The following CD96 variants were observed in gnomAD, a reference collection of about 807,000 sequenced individuals.
The protein encoded by CD96 is CD96 molecule.
A neutral mutation model predicts 71.3 loss-of-function variants in CD96; 70 were observed. The ratio of observed to expected loss-of-function variants is 0.98; its 90% CI spans 0.81 to 1.20. CD96 has a LOEUF of 1.20. Ranked by LOEUF, CD96 falls within the 50% of genes most tolerant of loss-of-function variation. The pLI, the probability that CD96 is intolerant of heterozygous loss-of-function variation, is 0.00. For missense variants in CD96, 742 were observed against 677.5 expected, an observed-to-expected ratio of 1.10 and a Z score of -1.06; for synonymous variants, 248 against 233.0, an observed-to-expected ratio of 1.06 and a Z score of -0.59.
chr3:111,665,709 C>T (rs1940463999), exon 15 of CD96: 1 of 152,228 alleles, frequency 6.6e-6, no homozygotes. Flanking sequence ...TTCATTCCTC[C>T]CTCAAACCCT....
chr3:111,594,312 A>G, intron 5 of CD96: 2 of 1,347,404 alleles, frequency 1.5e-6, no homozygotes, highest in Non-Finnish European at 2.0e-6. Context: ...ACTCTTGGGG[A>G]TTCACAATAA....
intron 12 of CD96, among the ~76,000 whole-genome samples, chr3:111,644,268 T>C (rs1352364861): frequency 1.3e-5 from 2 of 152,122 alleles, no homozygotes; most frequent in Non-Finnish European, 2.9e-5. Flanking sequence ...TCTAGCCACA[T>C]GTAGGAGAAT....
At chr3:111,632,146 T>C (rs1362412232) in intron 10 of CD96, among the ~76,000 whole-genome samples, 1 of 152,200 alleles carries the variant, frequency 6.6e-6, no homozygotes, top group African/African-American at 2.4e-5. Context: ...AAGAAGCTTA[T>C]GCACAGCAAA....
intron 2 of CD96, among the ~76,000 whole-genome samples, chr3:111,546,128 T>C (rs1934384005): frequency 6.6e-6 from 1 of 152,074 alleles, no homozygotes; most frequent in Non-Finnish European, 1.5e-5. Flanking sequence ...CAGGTAGATA[T>C]AGAAGGAAAA....
chr3:111,567,484 CA>C (rs1269476844), intron 2 of CD96, 38 bp from the exon 3 acceptor site: 1 of 1,574,868 alleles, frequency 6.3e-7, no homozygotes, highest in Admixed American at 1.7e-5. Context: ...ACAAACCAAT[CA>C]GAGATTCACA....
chr3:111,599,534 A>G lies in CD96; in HGVS notation c.899-1192A>G, dbSNP rs1195944373. On this transcript the variant is annotated intron_variant, in intron 6 of 13. Coordinates refer to ENST00000352690, the MANE Select transcript of CD96 (RefSeq NM_005816.5). ...TAGGAGTTCGAGACCAGCCTAACTAACATGGTAAAACCCCGTCTCTACTAA... is the reference window on the plus strand; with the variant it reads ...TAGGAGTTCGAGACCAGCCTAACTAGCATGGTAAAACCCCGTCTCTACTAA... 3.4e-4 allele frequency among the ~76,000 whole-genome samples: 52 copies of G among 152,084 alleles called. 1 individual carries two copies. Among genetic ancestry groups the G allele is most frequent in the Admixed American group, 3.4e-3 (52 of 15,278 alleles).
chr3:111,575,037 A>G (rs746161569), intron 3 of CD96, among the ~76,000 whole-genome samples: 9 of 151,872 alleles, frequency 5.9e-5, no homozygotes, highest in Non-Finnish European at 1.2e-4. Context: ...CAAGAAATCC[A>G]CCAGCCTTGG....
At chr3:111,624,639 A>G (rs1204746650) in intron 10 of CD96, among the ~76,000 whole-genome samples, 2 of 152,212 alleles carry the variant, frequency 1.3e-5, no homozygotes, top group African/African-American at 4.8e-5. Context: ...TTATATGAAA[A>G]AAAGGCACAG....
intron 8 of CD96, among the ~76,000 whole-genome samples, chr3:111,612,249 G>T (rs971872436): frequency 6.6e-6 from 1 of 152,152 alleles, no homozygotes; most frequent in Admixed American, 6.5e-5. Flanking sequence ...TCACGAAGGT[G>T]GTTAAAAAAA....
At chr3:111,561,818 A>C (rs1332946451) in intron 2 of CD96, among the ~76,000 whole-genome samples, 288 of 143,040 alleles carry the variant, frequency 2.0e-3, no homozygotes, top group Admixed American at 3.8e-3. Flanking sequence ...CTCGCTGCCG[A>C]CTTGCAGTTT....
intron 3 of CD96, chr3:111,570,517 A>G: frequency 1.1e-6 from 1 of 946,386 alleles, no homozygotes; most frequent in Non-Finnish European, 1.6e-6. Context: ...GAAATCACAA[A>G]TGGGACGCAT....
rs1296909602 is a variant in CD96, at chr3:111,561,979, C to A, written c.419-5544C>A. Among the ~76,000 whole-genome samples, 6 of 151,850 alleles carry A rather than the reference C, an allele frequency of 4.0e-5. No individual in the cohort carries two copies. In the East Asian group the frequency reaches 1.2e-3, roughly 29 times the overall value. ...TGGGAGTGACCCGATTTTCCAGGTG[C>A]GTCCGTCACCCCTTTCTTTGACTCG... On this transcript the variant is annotated intron_variant, in intron 2 of 13. Transcript: ENST00000352690.
chr3:111,608,217 T>C (rs1236560198), intron 8 of CD96, among the ~76,000 whole-genome samples: 1 of 143,662 alleles, frequency 7.0e-6, no homozygotes, highest in Non-Finnish European at 1.6e-5. Context: ...TCTATAGCTC[T>C]GCATACAATA....
chr3:111,584,111 C>T (rs1054830052), intron 4 of CD96, among the ~76,000 whole-genome samples: 13 of 152,180 alleles, frequency 8.5e-5, no homozygotes, highest in South Asian at 2.1e-4. Context: ...ATTTCTCCTG[C>T]CAGACACCCT....
chr3:111,624,853 T>G lies in CD96; in HGVS notation c.1321+449T>G, dbSNP rs16858357. Among the ~76,000 whole-genome samples the G allele has an allele frequency of 7.5e-3, 1,148 of 152,272 alleles. 17 individuals are homozygous for G. The highest frequency in any genetic ancestry group is 0.026 in the African/African-American group (1,089 of 41,530). Reference sequence around the variant, plus strand: ...ATGAAAAGAGAGAGACCAACGTGAGTCCAGAAATTGTTTCATTCTTCCTTT... The same window carrying G: ...ATGAAAAGAGAGAGACCAACGTGAGGCCAGAAATTGTTTCATTCTTCCTTT... On this transcript the variant is annotated intron_variant, in intron 10 of 13. Transcript: ENST00000352690.
chr3:111,620,829 GC>G (rs1938486056), intron 8 of CD96, among the ~76,000 whole-genome samples: 1 of 152,282 alleles, frequency 6.6e-6, no homozygotes, highest in South Asian at 2.1e-4. Context: ...CATCCCTGAG[GC>G]ATGTTTCTCC....
Position 111,583,122 on chromosome 3 carries a change from T to C in CD96, c.752-2201T>C, listed in dbSNP as rs369463914. ...TATAAGCATTCAGTAAATACAACCA[T>C]TCTAAATGGGAGAAATTGGCCAAAA... On this transcript the variant is annotated intron_variant, in intron 4 of 13. Coordinates refer to ENST00000352690, the MANE Select transcript of CD96 (RefSeq NM_005816.5). 1.8e-3 allele frequency among the ~76,000 whole-genome samples: 274 copies of C among 152,328 alleles called. 3 individuals are homozygous for C. The highest frequency in any genetic ancestry group is 6.2e-3 in the African/African-American group (256 of 41,580).
downstream of CD96, among the ~76,000 whole-genome samples, chr3:111,656,904 G>A (rs1940243074): frequency 6.6e-6 from 1 of 151,936 alleles, no homozygotes; most frequent in African/African-American, 2.4e-5. Context: ...GAGTGTGACG[G>A]ATATATGGAG....
chr3:111,547,100 G>A (rs896898891), intron 2 of CD96, among the ~76,000 whole-genome samples: 2 of 152,168 alleles, frequency 1.3e-5, no homozygotes, highest in African/African-American at 4.8e-5. Flanking sequence ...TCATTCCCAA[G>A]TTGTTTCAAG....
Sources: gnomAD v4.1 joint callset for allele counts (sites outside exome capture counted in the v4.1 genomes callset) on GRCh38, gnomAD v4.1.1 for gene constraint, MANE v1.5 for transcripts, NCBI Gene and HGNC (gene_info 2026-07-23, HGNC 2026-07-21) for gene names.